PRR16: variants seen among roughly 807,000 people sequenced by gnomAD.
PRR16 encodes protein Largen.
A neutral mutation model predicts 18.2 loss-of-function variants in PRR16; 6 were observed. The observed-to-expected ratio is 0.33, with a 90% CI of 0.18 to 0.65. The LOEUF (loss-of-function observed/expected upper bound fraction) is 0.65, where lower values mean the gene tolerates loss of function less well. Among genes scored for constraint, PRR16 ranks in the 30% least tolerant of loss-of-function variants. The probability of loss-of-function intolerance (pLI) is 0.74; values close to 1 mark genes in which losing one functional copy is unlikely to be tolerated. For synonymous variants in PRR16, 151 were observed against 147.8 expected, an observed-to-expected ratio of 1.02 and a Z score of -0.16; for missense variants, 412 against 376.6, an observed-to-expected ratio of 1.09 and a Z score of -0.78.
chr5:120,711,754 G>T, the PRR16 span, among the ~76,000 whole-genome samples: 1 of 152,120 alleles, frequency 6.6e-6, no homozygotes, highest in African/African-American at 2.4e-5. Context: ...GATAGTCTAT[G>T]ATCTGCAAAG....
chr5:120,473,682 G>A (rs1042249830), intron 1 of PRR16, among the ~76,000 whole-genome samples: 8 of 152,200 alleles, frequency 5.3e-5, no homozygotes, highest in African/African-American at 1.9e-4. Flanking sequence ...TGTACACCAG[G>A]CACTGTTCTA....
chr5:120,601,414 T>C lies in PRR16; in HGVS notation c.160-84540T>C, dbSNP rs372566577. Among the ~76,000 whole-genome samples, 3 of 152,028 alleles carry C rather than the reference T, an allele frequency of 2.0e-5. No individual in the cohort carries two copies. In the East Asian group the frequency reaches 5.8e-4, roughly 29 times the overall value. On this transcript the variant is annotated intron_variant, in intron 1 of 1. Coordinates refer to ENST00000407149, the MANE Select transcript of PRR16 (RefSeq NM_001300783.2). Reference sequence around the variant, plus strand: ...TCATGTCCTTTGCCTATTTTCTTAATGGTGTTTGTTTTGCTTAATTTGTTG... The same window carrying C: ...TCATGTCCTTTGCCTATTTTCTTAACGGTGTTTGTTTTGCTTAATTTGTTG...
chr5:120,618,796 A>G (rs1322587862), intron 1 of PRR16, among the ~76,000 whole-genome samples: 1 of 151,674 alleles, frequency 6.6e-6, no homozygotes, highest in Non-Finnish European at 1.5e-5. Flanking sequence ...TCGAAGCTAT[A>G]CAACTCTGAT....
chr5:120,607,398 AC>A (rs990644357), intron 1 of PRR16, among the ~76,000 whole-genome samples: 3 of 152,148 alleles, frequency 2.0e-5, no homozygotes, highest in African/African-American at 7.2e-5. Context: ...ACTAAAACAA[AC>A]TTTTTATGTT....
the PRR16 span, among the ~76,000 whole-genome samples, chr5:120,695,559 AG>A: frequency 1.3e-5 from 2 of 152,100 alleles, no homozygotes; most frequent in African/African-American, 4.8e-5. Flanking sequence ...CTCTTGCCTT[AG>A]TTTCTACTCC....
In PRR16 at chr5:120,677,982, T is replaced by C. The variant is rs559691867; in HGVS notation, c.160-7972T>C. On this transcript the variant is annotated intron_variant, in intron 1 of 1. Coordinates refer to ENST00000407149, the MANE Select transcript of PRR16 (RefSeq NM_001300783.2). ...TGGAGTGCAGTGGCGCGATCTCGGCTCACTGCAAGCTCCGCCTCCTGGGTT... is the reference window on the plus strand; with the variant it reads ...TGGAGTGCAGTGGCGCGATCTCGGCCCACTGCAAGCTCCGCCTCCTGGGTT... Among the ~76,000 whole-genome samples the C allele has an allele frequency of 1.1e-4, 15 of 133,714 alleles. No individual in the cohort carries two copies. In the East Asian group the frequency reaches 3.5e-3, roughly 31 times the overall value. The allele number at this position is 133,714 out of a possible 152,430, so 87.7% of individuals were successfully genotyped here.
At chr5:120,794,387 T>G in the PRR16 span, among the ~76,000 whole-genome samples, 1 of 152,104 alleles carries the variant, frequency 6.6e-6, no homozygotes, top group Non-Finnish European at 1.5e-5. Context: ...ATGCATTTAC[T>G]TTGTGTCTCT....
chr5:120,730,881 G>C, the PRR16 span, among the ~76,000 whole-genome samples: 1 of 152,208 alleles, frequency 6.6e-6, no homozygotes, highest in East Asian at 1.9e-4. Flanking sequence ...GCAATGCTCA[G>C]CTGAGAATCT....
At chr5:120,791,739 T>C in the PRR16 span, among the ~76,000 whole-genome samples, 1 of 152,060 alleles carries the variant, frequency 6.6e-6, no homozygotes, top group South Asian at 2.1e-4. Context: ...GTTTGTAGTG[T>C]ACAATTCAAA....
Position 120,594,899 on chromosome 5 carries a change from G to T in PRR16, c.160-91055G>T, listed in dbSNP as rs114471142. Among the ~76,000 whole-genome samples, 1,074 of 152,186 alleles carry T rather than the reference G, an allele frequency of 7.1e-3. 15 individuals are homozygous for T. Among genetic ancestry groups the T allele is most frequent in the African/African-American group, 0.024 (1,015 of 41,522 alleles). ...TAAATGGTGTTGGGATGACTGGCTA[G>T]CCATATGCAGAAAATTGAAACTGGA... On this transcript the variant is annotated intron_variant, in intron 1 of 1. Transcript: ENST00000407149.
In PRR16 at chr5:120,686,210, G is replaced by T; in HGVS notation, c.416G>T (p.Arg139Met). 2.5e-6 allele frequency: 4 copies of T among 1,614,118 alleles called. No homozygotes were observed. Among genetic ancestry groups the T allele is most frequent in the Non-Finnish European group, 3.4e-6 (4 of 1,180,030 alleles). Residue 139 changes from arginine (R) to methionine (M), a missense_variant, in exon 2 of 2, where the codon AGG becomes ATG. Coordinates refer to ENST00000407149, the MANE Select transcript of PRR16 (RefSeq NM_001300783.2). ...CCTGTGAAGTGTGAAGACCCCAAAA[G>T]GGTGGTTCCAACTGCCAATCCTGTA... Reference protein sequence around the residue: ...LTPVKCEDPKRVVPTANPVKT... With the variant: ...LTPVKCEDPKMVVPTANPVKT...
At chr5:120,752,954 G>A in the PRR16 span, among the ~76,000 whole-genome samples, 103,279 of 149,588 alleles carry the variant, frequency 0.69, 35,461 homozygotes, top group East Asian at 0.85. Flanking sequence ...TCATTAAAAA[G>A]TTATATAAAG....
At chr5:120,480,653 C>T (rs1447469699) in intron 1 of PRR16, among the ~76,000 whole-genome samples, 1 of 152,074 alleles carries the variant, frequency 6.6e-6, no homozygotes, top group Non-Finnish European at 1.5e-5. Context: ...AATGTGTCTG[C>T]AAACTGATGA....
At chr5:120,569,030 C>G (rs375449902) in intron 1 of PRR16, among the ~76,000 whole-genome samples, 3 of 152,006 alleles carry the variant, frequency 2.0e-5, no homozygotes, top group African/African-American at 7.2e-5. Flanking sequence ...CACATTAGAT[C>G]AATAGATTCC....
the PRR16 span, among the ~76,000 whole-genome samples, chr5:120,692,350 G>A: frequency 6.6e-6 from 1 of 152,188 alleles, no homozygotes; most frequent in South Asian, 2.1e-4. Flanking sequence ...AATCTTTAGA[G>A]CAGGAGTCTC....
intron 1 of PRR16, among the ~76,000 whole-genome samples, chr5:120,590,633 G>A (rs894932078): frequency 2.6e-5 from 4 of 152,074 alleles, no homozygotes; most frequent in African/African-American, 4.8e-5. Context: ...AGACTTAGAA[G>A]TTAGACAAAT....
At chr5:120,716,168 A>G in the PRR16 span, among the ~76,000 whole-genome samples, 2 of 150,204 alleles carry the variant, frequency 1.3e-5, no homozygotes, top group African/African-American at 2.4e-5. Context: ...GTTACTCAAC[A>G]TATATTTATT....
intron 1 of PRR16, chr5:120,658,050 T>TGTC (rs1215951237): frequency 2.0e-5 from 3 of 151,768 alleles, no homozygotes; most frequent in South Asian, 2.1e-4. Flanking sequence ...TTGTTGTTGT[T>TGTC]GTTGTTGTTC....
chr5:120,694,906 A>G, the PRR16 span, among the ~76,000 whole-genome samples: 2 of 152,126 alleles, frequency 1.3e-5, no homozygotes, highest in East Asian at 1.9e-4. Flanking sequence ...TTAAAAAAAT[A>G]TCTAGGTTTG....
Sources: allele counts gnomAD v4.1 joint callset (sites outside exome capture counted in the v4.1 genomes callset), GRCh38; gene constraint gnomAD v4.1.1; transcripts MANE v1.5; gene names NCBI Gene and HGNC (gene_info 2026-07-23, HGNC 2026-07-21).